Variants in TENM1 observed in about 807,000 individuals in gnomAD.
TENM1 encodes teneurin transmembrane protein 1.
A neutral mutation model predicts 174.8 loss-of-function variants in TENM1; 35 were observed. The observed-to-expected ratio is 0.20, with a 90% CI of 0.15 to 0.27. TENM1 has a LOEUF of 0.27. Ranked by LOEUF, TENM1 falls within the 10% of genes least tolerant of loss-of-function variation. TENM1 has a pLI of 1.00. For missense variants in TENM1, 1,633 were observed against 2,130.1 expected (o/e 0.77, Z 4.59); for synonymous variants, 781 against 798.7 (o/e 0.98, Z 0.37).
At chrX:124,839,066 T>C (rs1447140408) in intron 3 of TENM1, among the ~76,000 whole-genome samples, 4 of 111,493 alleles carry the variant, frequency 3.6e-5, no homozygotes, top group Non-Finnish European at 7.5e-5. Flanking sequence ...GCAGAGGAAA[T>C]AGATAATCTG....
At chrX:124,581,239 G>A (rs1412021725) in intron 11 of TENM1, among the ~76,000 whole-genome samples, 3 of 108,769 alleles carry the variant, frequency 2.8e-5, no homozygotes, top group Non-Finnish European at 5.7e-5. Flanking sequence ...TAATTTTTTT[G>A]TATTTTTAGT....
chrX:124,957,352 G>A (rs2058590035), intron 1 of TENM1, among the ~76,000 whole-genome samples: 1 of 110,822 alleles, frequency 9.0e-6, no homozygotes, highest in Non-Finnish European at 1.9e-5. Flanking sequence ...GGGAGCCTGA[G>A]TCGGGCAGAT....
the TENM1 span, among the ~76,000 whole-genome samples, chrX:125,101,952 C>A: frequency 1.8e-5 from 2 of 111,617 alleles, no homozygotes; most frequent in African/African-American, 6.5e-5. Flanking sequence ...TAGATCAGAG[C>A]AACTTACAAT....
intron 3 of TENM1, among the ~76,000 whole-genome samples, chrX:124,752,978 T>A (rs1236717171): frequency 9.0e-6 from 1 of 111,153 alleles, no homozygotes; most frequent in Non-Finnish European, 1.9e-5. Context: ...CGATGCGGGC[T>A]CTTTTTTGGT....
At chrX:125,078,554 T>TTATTG in the TENM1 span, among the ~76,000 whole-genome samples, 1 of 111,503 alleles carries the variant, frequency 9.0e-6, no homozygotes, top group African/African-American at 3.3e-5. Context: ...AAGTACATGC[T>TTATTG]TTCCATTTAT....
intron 11 of TENM1, among the ~76,000 whole-genome samples, chrX:124,588,432 A>G (rs1239585169): frequency 9.0e-6 from 1 of 110,839 alleles, no homozygotes; most frequent in Non-Finnish European, 1.9e-5. Flanking sequence ...TCAGTAAACT[A>G]CAGCAAGGAC....
At chrX:125,136,220 T>C in the TENM1 span, among the ~76,000 whole-genome samples, 4 of 110,949 alleles carry the variant, frequency 3.6e-5, no homozygotes, top group Non-Finnish European at 5.7e-5. Context: ...AAGGAAACGT[T>C]TTCTGATCCT....
At chrX:124,737,595 AT>A (rs1345560442) in intron 3 of TENM1, among the ~76,000 whole-genome samples, 2 of 111,863 alleles carry the variant, frequency 1.8e-5, no homozygotes, top group African/African-American at 6.5e-5. Context: ...AAAGGCACAA[AT>A]TTGTTGCAAG....
At chrX:124,467,725 A>G (rs1264250599) in intron 22 of TENM1, among the ~76,000 whole-genome samples, 1 of 111,836 alleles carries the variant, frequency 8.9e-6, no homozygotes, top group Non-Finnish European at 1.9e-5. Context: ...TCAGGCATAC[A>G]TTTGTAAGTT....
the TENM1 span, among the ~76,000 whole-genome samples, chrX:125,098,157 A>G: frequency 9.0e-6 from 1 of 111,182 alleles, no homozygotes; most frequent in African/African-American, 3.3e-5. Flanking sequence ...CCAGCTACTC[A>G]GGAGGCTGAG....
chrX:124,921,177 TA>T (rs1395329981), intron 1 of TENM1, among the ~76,000 whole-genome samples: 13 of 109,583 alleles, frequency 1.2e-4, no homozygotes, highest in African/African-American at 3.6e-4. Context: ...TTATACTGTA[TA>T]AGATGTTTTA....
intron 17 of TENM1, among the ~76,000 whole-genome samples, chrX:124,523,107 G>A (rs1449904467): frequency 2.7e-5 from 3 of 112,138 alleles, no homozygotes; most frequent in African/African-American, 9.7e-5. Context: ...GTGTTTATTA[G>A]GTCAAAGATT....
chrX:125,175,934 T>C, the TENM1 span, among the ~76,000 whole-genome samples: 1 of 112,005 alleles, frequency 8.9e-6, no homozygotes, highest in African/African-American at 3.2e-5. Context: ...GGATTTGGTA[T>C]TCATAGCGCT....
At chrX:124,528,865 C>T (rs944000704) in intron 16 of TENM1, among the ~76,000 whole-genome samples, 1 of 111,130 alleles carries the variant, frequency 9.0e-6, no homozygotes, top group Non-Finnish European at 1.9e-5. Context: ...AAAACTCTTT[C>T]TTATTATCTT....
intron 18 of TENM1, among the ~76,000 whole-genome samples, 153 bp downstream of exon 21, chrX:124,520,364 A>C (rs2047813980): frequency 8.9e-6 from 1 of 112,118 alleles, no homozygotes. Context: ...GGAACTCTAA[A>C]CTGGCCTCAA....
intron 14 of TENM1, among the ~76,000 whole-genome samples, chrX:124,560,223 G>A (rs926040359): frequency 3.7e-5 from 4 of 107,573 alleles, no homozygotes; most frequent in African/African-American, 1.4e-4. Context: ...GTGTGTGTGT[G>A]TGTGTGTGTG....
At chrX:124,406,895 G>A (rs1009568028) in intron 25 of TENM1, among the ~76,000 whole-genome samples, 1 of 111,300 alleles carries the variant, frequency 9.0e-6, no homozygotes, top group Non-Finnish European at 1.9e-5. Flanking sequence ...GTACAAAAGG[G>A]CCCTCAAAGG....
the TENM1 span, among the ~76,000 whole-genome samples, chrX:125,163,809 G>C: frequency 9.0e-6 from 1 of 111,145 alleles, no homozygotes; most frequent in East Asian, 2.8e-4. Flanking sequence ...TGTGTGTCTT[G>C]TCACTTCTTT....
At chrX:125,127,558 A>C in the TENM1 span, among the ~76,000 whole-genome samples, 1 of 111,967 alleles carries the variant, frequency 8.9e-6, no homozygotes, top group Non-Finnish European at 1.9e-5. Context: ...AAGAGATTTA[A>C]GAAAGTATGT....
Sources: allele counts gnomAD v4.1 joint callset (sites outside exome capture counted in the v4.1 genomes callset), GRCh38; gene constraint gnomAD v4.1.1; transcripts MANE v1.5; gene names NCBI Gene and HGNC (gene_info 2026-07-23, HGNC 2026-07-21).